Variants in PCDHA5 observed in about 807,000 individuals in gnomAD.
PCDHA5 encodes the protein protocadherin alpha 5.
Under a neutral mutation model 61.6 loss-of-function variants are expected in PCDHA5, and 43 were observed. That is an observed-to-expected ratio of 0.70 (90% confidence interval 0.55 to 0.90). The LOEUF is 0.90. Among genes scored for constraint, PCDHA5 ranks in the 40% least tolerant of loss-of-function variants. PCDHA5 has a pLI of 0.00. For missense variants in PCDHA5, 1,298 were observed against 1,222.7 expected, an observed-to-expected ratio of 1.06 and a Z score of -0.92; for synonymous variants, 627 against 543.9, an observed-to-expected ratio of 1.15 and a Z score of -2.13.
chr5:140,981,220 C>T (rs1160783614), intron 2 of PCDHA5, among the ~76,000 whole-genome samples: 3 of 152,164 alleles, frequency 2.0e-5, no homozygotes, highest in African/African-American at 4.8e-5. Context: ...CCCCTTTAGT[C>T]AGTAGTCTAA....
In PCDHA5 at chr5:140,850,045, T is replaced by C. The variant is rs2150464931; in HGVS notation, c.2352+25918T>C. 3.1e-6 allele frequency: 5 copies of C among 1,596,208 alleles called. No homozygotes were observed. In the African/African-American group the frequency reaches 5.4e-5, roughly 17 times the overall value. On this transcript the variant is annotated intron_variant, in intron 1 of 3. Coordinates refer to ENST00000529859, the MANE Select transcript of PCDHA5 (RefSeq NM_018908.3). Reference sequence around the variant, plus strand: ...TCAGTGCACGCGGAGAGCGGCAAGGTGTACGCGCTGCAGCCGTTGGACCAC... The same window carrying C: ...TCAGTGCACGCGGAGAGCGGCAAGGCGTACGCGCTGCAGCCGTTGGACCAC...
intron 1 of PCDHA5, among the ~76,000 whole-genome samples, chr5:140,897,090 C>G (rs1420408825): frequency 6.6e-6 from 1 of 151,950 alleles, no homozygotes; most frequent in Non-Finnish European, 1.5e-5. Context: ...ATTTTTTATC[C>G]TCATTAAAAA....
rs2150123741 is a variant in PCDHA5 at position 140,823,226 on chromosome 5, A to G, written c.1451A>G (p.Gln484Arg). The change falls in exon 1 of 4, where the codon CAG becomes CGG. Residue 484 changes from glutamine (Q) to arginine (R), a missense_variant. By Grantham distance (43) the Gln-to-Arg change is conservative. Coordinates refer to ENST00000529859, the MANE Select transcript of PCDHA5 (RefSeq NM_018908.3). ...GTGTCTGCACGGGACGCGGACGCGC[A>G]GGAGAACGCCCTGGTGTCCTACTCG... is the stretch of plus-strand genomic sequence containing the variant. ...FTVSARDADA[Q>R]ENALVSYSLV... 3.1e-6 allele frequency: 5 copies of G among 1,613,692 alleles called. No homozygotes were observed. The South Asian group carries it at 5.5e-5, about 18-fold the overall frequency.
chr5:140,830,936 TTTA>T (rs1554133060), intron 1 of PCDHA5: 4 of 152,346 alleles, frequency 2.6e-5, no homozygotes. Flanking sequence ...TGTCGACACT[TTTA>T]TTAAGCTAAC....
chr5:140,869,178 G>T (rs200717410), intron 1 of PCDHA5: 1 of 1,613,988 alleles, frequency 6.2e-7, no homozygotes, highest in East Asian at 2.2e-5. Flanking sequence ...AATTCTGGGA[G>T]GTGGGGAGCG....
At position 140,822,926 on chromosome 5, in the gene PCDHA5, T is replaced by C; in HGVS notation, c.1151T>C (p.Val384Ala). The C allele has an allele frequency of 6.2e-7, 1 of 1,614,226 alleles. No homozygotes were observed. Among genetic ancestry groups the C allele is most frequent in the Middle Eastern group, 1.6e-4 (1 of 6,062 alleles). Residue 384 changes from valine (V) to alanine (A), a missense_variant, in exon 1 of 4, where the codon GTG becomes GCG. Physicochemically the swap from Val to Ala is moderately conservative, Grantham distance 64 (BLOSUM62 0). Transcript: ENST00000529859. ...SDRDSGANGQ[V>A]TCSLMPHVPF... The stretch of plus-strand genomic sequence containing the variant: ...CGTGACTCAGGTGCCAACGGGCAGG[T>C]GACCTGCTCCCTAATGCCCCACGTT...
intron 1 of PCDHA5, among the ~76,000 whole-genome samples, chr5:140,880,163 AGAAGTTAAACAT>A (rs2058253523): frequency 6.6e-6 from 1 of 152,260 alleles, no homozygotes; most frequent in Admixed American, 6.5e-5. Flanking sequence ...AGTATATGTT[AGAAGTTAAACAT>A]GAAGGGAAAA....
chr5:140,978,506 C>T (rs914101151), intron 1 of PCDHA5, among the ~76,000 whole-genome samples: 22 of 152,244 alleles, frequency 1.4e-4, no homozygotes, highest in African/African-American at 4.1e-4. Context: ...GATTGCAGTC[C>T]TCTGCAGTCC....
intron 1 of PCDHA5, among the ~76,000 whole-genome samples, chr5:140,977,549 A>G (rs2096765562): frequency 6.6e-6 from 1 of 152,210 alleles, no homozygotes; most frequent in African/African-American, 2.4e-5. Flanking sequence ...TTGCATATGC[A>G]TATCTTGCTA....
intron 1 of PCDHA5, chr5:140,856,893 C>T (rs267600397): frequency 6.3e-7 from 1 of 1,596,420 alleles, no homozygotes; most frequent in Non-Finnish European, 8.6e-7. Flanking sequence ...TCATTTAGCT[C>T]TTTGGTCCCA....
At chr5:140,993,103 G>A (rs2097540365) in intron 3 of PCDHA5, among the ~76,000 whole-genome samples, 1 of 152,218 alleles carries the variant, frequency 6.6e-6, no homozygotes, top group East Asian at 1.9e-4. Context: ...TTTATTCAGC[G>A]GTCAGTGTCA....
Position 140,843,369 on chromosome 5 carries a change from C to G in PCDHA5, c.2352+19242C>G, listed in dbSNP as rs2150358449. 8 of 1,596,038 alleles carry G rather than the reference C, an allele frequency of 5.0e-6. 2 individuals are homozygous for G. The highest frequency in any genetic ancestry group is 2.2e-5 in the South Asian group (2 of 90,512). On this transcript the variant is annotated intron_variant, in intron 1 of 3. Transcript: ENST00000529859. ...GCTCCAAAAGCGTCATCGAGGCAGT[C>G]GGCTGGCGTTTTGGGTCCGGAAGCG... is the stretch of plus-strand genomic sequence containing the variant.
At chr5:140,894,554 G>GA (rs1204407145) in intron 1 of PCDHA5, among the ~76,000 whole-genome samples, 2 of 151,600 alleles carry the variant, frequency 1.3e-5, no homozygotes, top group Non-Finnish European at 2.9e-5. Flanking sequence ...GTTTACTTCT[G>GA]AAAAAATTAT....
intron 1 of PCDHA5, among the ~76,000 whole-genome samples, chr5:140,846,616 C>T (rs2150392938): frequency 5.4e-5 from 8 of 149,000 alleles, no homozygotes; most frequent in East Asian, 3.9e-4. Flanking sequence ...CCTCCTGATC[C>T]GCCCACTTCG....
chr5:140,954,411 G>A (rs246022), intron 1 of PCDHA5, among the ~76,000 whole-genome samples: 85,294 of 151,642 alleles, frequency 0.56, 24,563 homozygotes, highest in African/African-American at 0.69. Flanking sequence ...ACAGGGTAAA[G>A]GTGTTCCTTT....
At chr5:140,876,324 T>A in intron 1 of PCDHA5, 1 of 1,614,000 alleles carries the variant, frequency 6.2e-7, no homozygotes, top group Non-Finnish European at 8.5e-7. Context: ...TCAAAATGAT[T>A]TTGCCAGTGA....
intron 1 of PCDHA5, chr5:140,929,696 A>G (rs955159626): frequency 2.6e-5 from 7 of 266,458 alleles, no homozygotes; most frequent in African/African-American, 1.3e-4. Flanking sequence ...TCTGCTTTAT[A>G]TGAATATAAT....
chr5:140,928,821 C>T, intron 1 of PCDHA5: 2 of 1,614,142 alleles, frequency 1.2e-6, no homozygotes, highest in Non-Finnish European at 1.7e-6. Context: ...ACCATGGAGA[C>T]CCACCACTTT....
At chr5:140,827,002 C>T (rs1769143611) in intron 1 of PCDHA5, among the ~76,000 whole-genome samples, 2 of 152,060 alleles carry the variant, frequency 1.3e-5, no homozygotes, top group Non-Finnish European at 2.9e-5. Context: ...ATGGGAAATG[C>T]TCATGTCATT....
Sources: gnomAD v4.1 joint callset for allele counts (sites outside exome capture counted in the v4.1 genomes callset) on GRCh38, gnomAD v4.1.1 for gene constraint, MANE v1.5 for transcripts, NCBI Gene and HGNC (gene_info 2026-07-23, HGNC 2026-07-21) for gene names.